Variants in SOX5 observed in about 807,000 individuals in gnomAD.
The protein encoded by SOX5 is SRY-box transcription factor 5, also known as transcription factor SOX-5.
SOX5 carries 9 observed loss-of-function variants against 92.0 expected under a neutral mutation model. The ratio of observed to expected loss-of-function variants is 0.10; its 90% CI spans 0.06 to 0.17. The LOEUF is 0.17. SOX5 is among the 10% of genes least tolerant of loss of function. The pLI, the probability that SOX5 is intolerant of heterozygous loss-of-function variation, is 1.00. For missense variants in SOX5, 642 were observed against 944.5 expected (o/e 0.68, Z 4.20); for synonymous variants, 344 against 336.3 (o/e 1.02, Z -0.25).
intron 4 of SOX5, among the ~76,000 whole-genome samples, chr12:24,075,648 ATT>A: frequency 6.6e-6 from 1 of 150,628 alleles, no homozygotes; most frequent in African/African-American, 2.4e-5. Context: ...TGTTTGAACC[ATT>A]TTTTTTTTAA....
chr12:24,243,666 C>G (rs938418401), intron 3 of SOX5, among the ~76,000 whole-genome samples: 3 of 152,140 alleles, frequency 2.0e-5, no homozygotes, highest in African/African-American at 7.2e-5. Context: ...ATTTAACTAA[C>G]CACTTATGAA....
intron 3 of SOX5, among the ~76,000 whole-genome samples, chr12:23,791,206 G>A (rs1485722534): frequency 6.6e-6 from 1 of 152,202 alleles, no homozygotes; most frequent in African/African-American, 2.4e-5. Context: ...TCCAACTCCT[G>A]ACTATGGAGT....
intron 9 of SOX5, among the ~76,000 whole-genome samples, chr12:23,577,172 C>T (rs1475627905): frequency 8.9e-4 from 76 of 85,202 alleles, no homozygotes; most frequent in African/African-American, 2.6e-3. Context: ...CACACACACA[C>T]ACACATATAT....
At chr12:24,182,769 A>G (rs532290861) in intron 4 of SOX5, among the ~76,000 whole-genome samples, 4 of 152,352 alleles carry the variant, frequency 2.6e-5, no homozygotes, top group Non-Finnish European at 5.9e-5. Context: ...GCTGGAGTGC[A>G]GTGGCACGAC....
intron 1 of SOX5, among the ~76,000 whole-genome samples, chr12:24,506,782 G>GTTTT (rs1386116375): frequency 1.5e-4 from 12 of 80,274 alleles, no homozygotes; most frequent in Admixed American, 3.1e-4. Flanking sequence ...TATCCAAATG[G>GTTTT]TCTTTTTTTT....
upstream of SOX5, among the ~76,000 whole-genome samples, chr12:23,955,639 T>C (rs1019151524): frequency 6.6e-6 from 1 of 152,052 alleles, no homozygotes; most frequent in Non-Finnish European, 1.5e-5. Flanking sequence ...CACTATCAAC[T>C]CTCCTTGTGA....
chr12:24,372,130 T>C (rs1250543686), intron 1 of SOX5, among the ~76,000 whole-genome samples: 2 of 152,202 alleles, frequency 1.3e-5, no homozygotes, highest in Non-Finnish European at 2.9e-5. Context: ...TGGTAACTGC[T>C]GCTTCTTTTT....
At chr12:24,489,626 A>G (rs990494114) in intron 1 of SOX5, among the ~76,000 whole-genome samples, 3 of 108,552 alleles carry the variant, frequency 2.8e-5, no homozygotes, top group Admixed American at 1.0e-4. Flanking sequence ...CAGGAACTTT[A>G]GGAATTCTTG....
intron 1 of SOX5, among the ~76,000 whole-genome samples, chr12:24,394,380 G>C (rs548996827): frequency 6.6e-6 from 1 of 152,260 alleles, no homozygotes; most frequent in East Asian, 1.9e-4. Context: ...CATTGCAGAG[G>C]CTGCTTCCCA....
chr12:24,095,126 C>CAG (rs1469520600), intron 4 of SOX5, among the ~76,000 whole-genome samples: 47 of 90,190 alleles, frequency 5.2e-4, no homozygotes, highest in Middle Eastern at 7.8e-3. Flanking sequence ...CACACACACA[C>CAG]ACAGAGAGAG....
chr12:23,783,178 A>G (rs1030189357), intron 3 of SOX5, among the ~76,000 whole-genome samples: 47 of 152,222 alleles, frequency 3.1e-4, no homozygotes, highest in African/African-American at 1.1e-3. Flanking sequence ...CCACTAGTAT[A>G]TAAGTTCTAA....
chr12:24,334,603 C>T (rs1353316821), intron 2 of SOX5, among the ~76,000 whole-genome samples: 1 of 152,134 alleles, frequency 6.6e-6, no homozygotes, highest in African/African-American at 2.4e-5. Flanking sequence ...TACCAAAAGC[C>T]TAAGGGGCAA....
chr12:24,303,483 C>T (rs567643185), intron 2 of SOX5, among the ~76,000 whole-genome samples: 18 of 152,068 alleles, frequency 1.2e-4, no homozygotes, highest in Non-Finnish European at 2.1e-4. Flanking sequence ...ATTTATATAG[C>T]ACAGTATCTA....
chr12:24,297,314 C>G (rs185748334), intron 2 of SOX5, among the ~76,000 whole-genome samples: 1 of 152,326 alleles, frequency 6.6e-6, no homozygotes, highest in Admixed American at 6.5e-5. Context: ...AAACAACCAG[C>G]GCTGAGCTTC....
At chr12:23,546,530 ATGTTGATATATTCACCTTTTTACGT>A in intron 11 of SOX5, 106 bp from the exon 12 acceptor site, 1 of 653,700 alleles carries the variant, frequency 1.5e-6, no homozygotes, top group African/African-American at 1.8e-5. Context: ...AAAGGATGCA[ATGTTGATATATTCACCTTTTTACGT>A]TCAGCACATT....
intron 1 of SOX5, among the ~76,000 whole-genome samples, chr12:24,520,498 A>T (rs1449525228): frequency 7.6e-6 from 1 of 132,208 alleles, no homozygotes; most frequent in Non-Finnish European, 1.8e-5. Flanking sequence ...ATAAAAGATA[A>T]ACAGTAAAAA....
At chr12:24,521,357 T>C (rs1950250217) in intron 1 of SOX5, among the ~76,000 whole-genome samples, 1 of 152,136 alleles carries the variant, frequency 6.6e-6, no homozygotes, top group Non-Finnish European at 1.5e-5. Context: ...ACCTGGCCAA[T>C]AGTAGAAAAT....
chr12:24,499,258 A>G (rs1947947003), intron 1 of SOX5, among the ~76,000 whole-genome samples: 1 of 152,210 alleles, frequency 6.6e-6, no homozygotes, highest in Admixed American at 6.5e-5. Context: ...TGGCGCTAAG[A>G]ATATTTCCAG....
At position 24,241,052 on chromosome 12, in the gene SOX5, C is replaced by G. The variant is rs540553027; in HGVS notation, c.-76-27635G>C. On this transcript the variant is annotated intron_variant, in intron 3 of 4. Transcript: ENST00000446891. ...ATTGGTTTGATGTACTATGAATTCCCTCTCTCAGTTTTTATAACTCTAGAA... is the reference window on the plus strand; with the variant it reads ...ATTGGTTTGATGTACTATGAATTCCGTCTCTCAGTTTTTATAACTCTAGAA... Among the ~76,000 whole-genome samples the G allele has an allele frequency of 9.2e-5, 14 of 152,068 alleles. 1 individual carries two copies. Among genetic ancestry groups the G allele is most frequent in the Admixed American group, 8.5e-4 (13 of 15,258 alleles).
Sources: allele counts gnomAD v4.1 joint callset (sites outside exome capture counted in the v4.1 genomes callset), GRCh38; gene constraint gnomAD v4.1.1; transcripts MANE v1.5; gene names NCBI Gene and HGNC (gene_info 2026-07-23, HGNC 2026-07-21).